The following KCNK16 variants were observed in gnomAD, a reference collection of about 807,000 sequenced individuals.
KCNK16 encodes the protein potassium two pore domain channel subfamily K member 16.
Under a neutral mutation model 23.0 loss-of-function variants are expected in KCNK16, and 23 were observed. That is an observed-to-expected ratio of 1.00 (90% confidence interval 0.72 to 1.41). KCNK16 has a LOEUF of 1.41. KCNK16 is among the 40% of genes most tolerant of loss of function. The probability of loss-of-function intolerance (pLI) is 0.00; values close to 1 mark genes in which losing one functional copy is unlikely to be tolerated. For missense variants in KCNK16, 327 were observed against 365.8 expected (o/e 0.89, Z 0.87); for synonymous variants, 145 against 153.5 (o/e 0.94, Z 0.41).
At chr6:39,316,693 TC>T in intron 4 of KCNK16, 88 bp downstream of exon 4, 1 of 1,458,860 alleles carries the variant, frequency 6.9e-7, no homozygotes, top group South Asian at 1.3e-5. Context: ...TATCTTATCC[TC>T]AATAGTTGTC....
At chr6:39,320,194 C>T (rs1762465014) in intron 1 of KCNK16, among the ~76,000 whole-genome samples, 1 of 151,952 alleles carries the variant, frequency 6.6e-6, no homozygotes, top group African/African-American at 2.4e-5. Flanking sequence ...CCAGTCAGGG[C>T]ATCTGCGGTC....
At chr6:39,315,219 G>A, downstream of KCNK16, 1 of 1,613,842 alleles carries the variant, frequency 6.2e-7, no homozygotes, top group Non-Finnish European at 8.5e-7. Context: ...CCGGGATGGA[G>A]TGGTCTAAAT....
Position 39,317,926 on chromosome 6 carries a change from CTG to C in KCNK16, c.353_354del (p.Thr118ArgfsTer18). On this transcript the variant is annotated frameshift_variant, in exon 3 of 5. Transcript: ENST00000437525. LOFTEE classifies it high-confidence loss of function. ...TIGYGNLAPS[T>X]EAGQVFCVFY... Reference sequence around the variant, plus strand: ...AAGACACAGAAGACCTGACCTGCCTCTGTGCTGGGTGCCAGGTTCCCATATCC... The same window carrying C: ...AAGACACAGAAGACCTGACCTGCCTCTGCTGGGTGCCAGGTTCCCATATCC... The C allele has an allele frequency of 6.2e-7, 1 of 1,611,296 alleles. No homozygotes were observed. Among genetic ancestry groups the C allele is most frequent in the Admixed American group, 1.7e-5 (1 of 59,614 alleles).
At chr6:39,321,301 AG>A (rs1368438617) in intron 1 of KCNK16, among the ~76,000 whole-genome samples, 2 of 152,216 alleles carry the variant, frequency 1.3e-5, no homozygotes, top group Non-Finnish European at 2.9e-5. Context: ...TGTGTGGTGA[AG>A]ACCCGGGGCT....
At chr6:39,315,311 A>G, downstream of KCNK16, 1 of 1,554,998 alleles carries the variant, frequency 6.4e-7, no homozygotes, top group Non-Finnish European at 8.7e-7. Context: ...CCAGACGTTC[A>G]TGGAGCTCAC....
At chr6:39,321,655 G>A (rs1443334293) in intron 1 of KCNK16, among the ~76,000 whole-genome samples, 1 of 152,226 alleles carries the variant, frequency 6.6e-6, no homozygotes, top group Non-Finnish European at 1.5e-5. Flanking sequence ...CACAACACCT[G>A]GTTTTGTCTT....
At chr6:39,315,307 G>T (rs11753141), downstream of KCNK16, 25 of 1,556,146 alleles carry the variant, frequency 1.6e-5, no homozygotes, top group Non-Finnish European at 1.9e-5. Context: ...GAGGCCAGAC[G>T]TTCATGGAGC....
chr6:39,318,978 C>T (rs1554192937), intron 2 of KCNK16, 41 bp downstream of exon 2: 2 of 1,392,422 alleles, frequency 1.4e-6, no homozygotes, highest in Admixed American at 3.4e-5. Flanking sequence ...CAAACTAAGA[C>T]AGGGGCCTTG....
At chr6:39,321,938 G>A (rs562394413) in intron 1 of KCNK16, among the ~76,000 whole-genome samples, 1 of 152,396 alleles carries the variant, frequency 6.6e-6, no homozygotes, top group South Asian at 2.1e-4. Context: ...TGGGGAAGGG[G>A]AAGTATGAAA....
chr6:39,314,930 T>C, downstream of KCNK16: 1 of 1,452,634 alleles, frequency 6.9e-7, no homozygotes, highest in Non-Finnish European at 9.3e-7. Flanking sequence ...TCCTTGCTTC[T>C]GAGAAGGCCC....
In KCNK16 at chr6:39,322,467, A is replaced by T. The variant is rs1179829590; in HGVS notation, c.74T>A (p.Leu25Gln). The change falls in exon 1 of 5, where the codon CTG becomes CAG. Residue 25 changes from leucine (L) to glutamine (Q), a missense_variant. Coordinates refer to ENST00000437525, the MANE Select transcript of KCNK16 (RefSeq NM_001135106.2). Reference protein sequence around the residue: ...LPLLLAYVCYLLLGATIFQLL... With the variant: ...LPLLLAYVCYQLLGATIFQLL... ...CTGGAAGATAGTGGCACCGAGCAGC[A>T]GGTAGCAGACATAGGCCAGCAGCAG... The T allele has an allele frequency of 1.2e-6, 2 of 1,614,024 alleles. No homozygotes were observed. Among genetic ancestry groups the T allele is most frequent in the Admixed American group, 3.3e-5 (2 of 60,026 alleles).
intron 3 of KCNK16, 147 bp downstream of exon 3, chr6:39,317,639 G>T: frequency 3.4e-6 from 3 of 878,214 alleles, no homozygotes; most frequent in Non-Finnish European, 5.0e-6. Flanking sequence ...TCCCCACTCT[G>T]CCCAACCCTG....
rs536766914 is a variant in KCNK16 at position 39,319,774 on chromosome 6, TG to T, written c.214-642del. ...GTGTGTGTGTGTGTGTGTGTGTGTG[TG>T]GTGGTTGTTTATATGTGATGTGTTG... On this transcript the variant is annotated intron_variant, in intron 1 of 4. Coordinates refer to ENST00000437525, the MANE Select transcript of KCNK16 (RefSeq NM_001135106.2). This position sits in a 1 kb window ranked among gnomAD's most constrained non-coding sequence, Gnocchi z 4.2. Among the ~76,000 whole-genome samples the T allele has an allele frequency of 6.2e-3, 938 of 150,224 alleles. 12 individuals are homozygous for T. The highest frequency in any genetic ancestry group is 0.021 in the African/African-American group (845 of 40,648).
downstream of KCNK16, chr6:39,315,424 G>C (rs115798914): frequency 2.9e-4 from 454 of 1,550,280 alleles, no homozygotes; most frequent in African/African-American, 5.6e-3. Context: ...TGAAGTTAAG[G>C]GGGTGGCCTG....
intron 2 of KCNK16, 39 bp downstream of exon 2, chr6:39,318,978 CAG>C (rs758694926): frequency 7.2e-7 from 1 of 1,392,422 alleles, no homozygotes; most frequent in Non-Finnish European, 1.0e-6. Flanking sequence ...CAAACTAAGA[CAG>C]GGGCCTTGGG....
chr6:39,316,126 T>G, downstream of KCNK16: 1 of 1,417,474 alleles, frequency 7.1e-7, no homozygotes, highest in Non-Finnish European at 9.2e-7. Context: ...AGTGAGGGGG[T>G]TGGGAGAGGA....
chr6:39,321,297 G>A (rs1373905261), intron 1 of KCNK16, among the ~76,000 whole-genome samples: 1 of 152,222 alleles, frequency 6.6e-6, no homozygotes, highest in African/African-American at 2.4e-5. Flanking sequence ...AATTTGTGTG[G>A]TGAAGACCCG....
At chr6:39,320,489 T>C (rs182581013) in intron 1 of KCNK16, among the ~76,000 whole-genome samples, 1 of 152,190 alleles carries the variant, frequency 6.6e-6, no homozygotes, top group Non-Finnish European at 1.5e-5. Flanking sequence ...AAGCAGTGTT[T>C]CGTCACAGAG....
intron 1 of KCNK16, among the ~76,000 whole-genome samples, chr6:39,321,080 C>T (rs1762499560): frequency 6.6e-6 from 1 of 152,206 alleles, no homozygotes. Context: ...CAGCTGTTCT[C>T]AGTCTTCAGG....
Sources: gnomAD v4.1 joint callset for allele counts (sites outside exome capture counted in the v4.1 genomes callset) on GRCh38, gnomAD v4.1.1 for gene constraint, Gnocchi (gnomAD v3.1) non-coding constraint, MANE v1.5 for transcripts, NCBI Gene and HGNC (gene_info 2026-07-23, HGNC 2026-07-21) for gene names.